The following CLSTN2 variants were observed in gnomAD, a reference collection of about 807,000 sequenced individuals.
CLSTN2 encodes the protein calsyntenin-2.
CLSTN2 carries 48 observed loss-of-function variants against 101.2 expected under a neutral mutation model. That is an observed-to-expected ratio of 0.47 (90% CI 0.38 to 0.60). CLSTN2 has a LOEUF of 0.60. CLSTN2 is among the 20% of genes least tolerant of loss of function. The pLI is 0.00. For synonymous variants in CLSTN2, 481 were observed against 463.6 expected, an observed-to-expected ratio of 1.04 and a Z score of -0.48; for missense variants, 1,160 against 1,238.2, an observed-to-expected ratio of 0.94 and a Z score of 0.95.
intron 6 of CLSTN2, among the ~76,000 whole-genome samples, chr3:140,450,543 G>A (rs1933219842): frequency 6.6e-6 from 1 of 152,166 alleles, no homozygotes; most frequent in South Asian, 2.1e-4. Flanking sequence ...CCATGTTTGG[G>A]AGCTTAGGAA....
At chr3:140,370,161 A>AT (rs1433198738) in intron 2 of CLSTN2, among the ~76,000 whole-genome samples, 1 of 152,186 alleles carries the variant, frequency 6.6e-6, no homozygotes, top group Admixed American at 6.5e-5. Context: ...CTGGGTTAGG[A>AT]TGCACAGCCT....
chr3:140,154,640 C>CTTT lies in CLSTN2; in HGVS notation c.110-21311_110-21310insTTT, dbSNP rs1560111196. Among the ~76,000 whole-genome samples, 69 of 108,082 alleles carry CTTT rather than the reference C, an allele frequency of 6.4e-4. No homozygotes were observed. The East Asian group carries it at 0.017, about 27-fold the overall frequency. The allele number at this position is 108,082 out of a possible 152,430, so 70.9% of individuals were successfully genotyped here. Reference sequence around the variant, plus strand: ...GAGAGAGAGAGAGGGGAAGTATCACCCTTTTTTTTTTTTTTTTTTTTTGAG... The same window carrying CTTT: ...GAGAGAGAGAGAGGGGAAGTATCACCTTTCTTTTTTTTTTTTTTTTTTTTTGAG... On this transcript the variant is annotated intron_variant, in intron 1 of 16. Transcript: ENST00000458420.
intron 2 of CLSTN2, among the ~76,000 whole-genome samples, chr3:140,257,181 G>A (rs975728078): frequency 6.6e-6 from 1 of 152,144 alleles, no homozygotes; most frequent in South Asian, 2.1e-4. Flanking sequence ...GCTAATGAAG[G>A]CCCCTACAAT....
intron 1 of CLSTN2, among the ~76,000 whole-genome samples, chr3:140,050,154 A>G (rs2007962853): frequency 6.6e-6 from 1 of 152,088 alleles, no homozygotes; most frequent in African/African-American, 2.4e-5. Context: ...TATTGCTATT[A>G]TTTTTTCAAC....
intron 7 of CLSTN2, 81 bp from the exon 8 acceptor site, chr3:140,466,529 A>C: frequency 6.4e-7 from 1 of 1,570,364 alleles, no homozygotes; most frequent in Non-Finnish European, 8.7e-7. Context: ...TGCTGTGCTA[A>C]GTGAGTGAGC....
Position 140,448,580 on chromosome 3 carries a change from C to G in CLSTN2, c.849C>G (p.Ile283Met). 6.2e-7 allele frequency: 1 copy of G among 1,614,066 alleles called. No homozygotes were observed. The highest frequency in any genetic ancestry group is 8.5e-7 in the Non-Finnish European group (1 of 1,179,960). The change falls in exon 6 of 17, where the codon ATC becomes ATG. Residue 283 changes from isoleucine to methionine, a missense_variant. Coordinates refer to ENST00000458420, the MANE Select transcript of CLSTN2 (RefSeq NM_022131.3). ...GGAGCATGCCCCTGTTCCCCAGCAT[C>G]CACCTGGAGACGTGCGATGGAGCCG... The part of the protein sequence containing the change: ...GSGSMPLFPS[I>M]HLETCDGAVS...
At chr3:140,510,748 A>G (rs532439862) in intron 8 of CLSTN2, among the ~76,000 whole-genome samples, 6 of 152,360 alleles carry the variant, frequency 3.9e-5, no homozygotes, top group African/African-American at 1.4e-4. Context: ...TTGGAAGTGC[A>G]GGCAACCTCC....
intron 1 of CLSTN2, among the ~76,000 whole-genome samples, chr3:140,024,157 A>G (rs1159903656): frequency 6.6e-6 from 1 of 152,206 alleles, no homozygotes; most frequent in Non-Finnish European, 1.5e-5. Context: ...ACTCAATGCA[A>G]GAGTGTATGT....
At chr3:140,187,989 T>A (rs1429264262) in intron 2 of CLSTN2, among the ~76,000 whole-genome samples, 1 of 152,120 alleles carries the variant, frequency 6.6e-6, no homozygotes. Flanking sequence ...TTGGCTTCCA[T>A]CCTCATGGCC....
intron 8 of CLSTN2, among the ~76,000 whole-genome samples, chr3:140,474,349 A>G (rs1374230522): frequency 1.3e-5 from 2 of 152,082 alleles, no homozygotes; most frequent in African/African-American, 4.8e-5. Context: ...AAGGAGGAAG[A>G]GGCACTGCTT....
At chr3:140,164,956 T>C (rs1024045775) in intron 1 of CLSTN2, among the ~76,000 whole-genome samples, 1 of 151,986 alleles carries the variant, frequency 6.6e-6, no homozygotes, top group African/African-American at 2.4e-5. Context: ...GATGGATTGA[T>C]GGATGGAAAG....
chr3:140,218,264 G>C (rs2107851036), intron 2 of CLSTN2, among the ~76,000 whole-genome samples: 1 of 152,240 alleles, frequency 6.6e-6, no homozygotes, highest in Admixed American at 6.5e-5. Context: ...CACTGCATTT[G>C]CTTTTGTTTT....
chr3:140,263,969 C>T (rs576038362), intron 2 of CLSTN2, among the ~76,000 whole-genome samples: 1 of 152,114 alleles, frequency 6.6e-6, no homozygotes, highest in African/African-American at 2.4e-5. Flanking sequence ...TGTGAATTAG[C>T]CTACTTACTA....
intron 1 of CLSTN2, among the ~76,000 whole-genome samples, chr3:139,991,115 C>T (rs886788645): frequency 2.0e-5 from 3 of 152,094 alleles, no homozygotes; most frequent in Non-Finnish European, 2.9e-5. Flanking sequence ...TTGGTTTTAT[C>T]TTATTTGGGT....
At chr3:140,280,523 T>C (rs374584145) in intron 2 of CLSTN2, among the ~76,000 whole-genome samples, 120 of 152,240 alleles carry the variant, frequency 7.9e-4, no homozygotes, top group Admixed American at 1.0e-3. Flanking sequence ...AGGAAAGCAA[T>C]TGGGAAGCAG....
intron 1 of CLSTN2, among the ~76,000 whole-genome samples, chr3:140,148,090 G>A (rs1030442096): frequency 6.6e-6 from 1 of 152,216 alleles, no homozygotes; most frequent in Non-Finnish European, 1.5e-5. Flanking sequence ...AAGTAGGGAT[G>A]GAGGGCTTGC....
Position 140,304,615 on chromosome 3 carries a change from C to A in CLSTN2, c.233-99014C>A, listed in dbSNP as rs116194520. Among the ~76,000 whole-genome samples the A allele has an allele frequency of 7.9e-3, 1,199 of 152,350 alleles. 9 individuals carry two copies. Among genetic ancestry groups the A allele is most frequent in the Middle Eastern group, 0.014 (4 of 294 alleles). ...AATACCCTCATATTGGGAGCTAGGG[C>A]TTCAACATATGAATGTGGGGGACAC... On this transcript the variant is annotated intron_variant, in intron 2 of 16. Transcript: ENST00000458420.
At chr3:140,076,477 T>C (rs1019411078) in intron 1 of CLSTN2, among the ~76,000 whole-genome samples, 10 of 152,114 alleles carry the variant, frequency 6.6e-5, no homozygotes, top group African/African-American at 2.2e-4. Flanking sequence ...AAGTCTCCTA[T>C]AGCTTGGTAG....
chr3:140,276,515 T>G (rs2086796868), intron 2 of CLSTN2, among the ~76,000 whole-genome samples: 1 of 152,042 alleles, frequency 6.6e-6, no homozygotes, highest in African/African-American at 2.4e-5. Context: ...AGTGTAGGTG[T>G]TTTATTTAGA....
Sources: allele counts gnomAD v4.1 joint callset (sites outside exome capture counted in the v4.1 genomes callset), GRCh38; gene constraint gnomAD v4.1.1; transcripts MANE v1.5; gene names NCBI Gene and HGNC (gene_info 2026-07-23, HGNC 2026-07-21).